ZNF451: variants seen among roughly 807,000 people sequenced by gnomAD.
ZNF451 encodes the protein E3 SUMO-protein ligase ZNF451.
ZNF451 carries 80 observed loss-of-function variants against 107.1 expected under a neutral mutation model. The observed-to-expected ratio is 0.75, with a 90% CI of 0.62 to 0.90. The LOEUF (loss-of-function observed/expected upper bound fraction) is 0.90, where lower values mean the gene tolerates loss of function less well. Ranked by LOEUF, ZNF451 falls within the 40% of genes least tolerant of loss-of-function variation. ZNF451 has a pLI of 0.00. For synonymous variants in ZNF451, 362 were observed against 406.5 expected (o/e 0.89, Z 1.32); for missense variants, 1,107 against 1,236.2 (o/e 0.90, Z 1.57).
At chr6:57,144,905 G>T (rs1295038258) in intron 9 of ZNF451, among the ~76,000 whole-genome samples, 1 of 152,056 alleles carries the variant, frequency 6.6e-6, no homozygotes, top group Admixed American at 6.5e-5. Context: ...CTCCAGCCTG[G>T]GTGACAGAAG....
intron 3 of ZNF451, among the ~76,000 whole-genome samples, chr6:57,119,317 A>G (rs752329370): frequency 6.6e-6 from 1 of 152,172 alleles, no homozygotes; most frequent in Non-Finnish European, 1.5e-5. Flanking sequence ...ACCTTAGGTC[A>G]GGAGTTCGAG....
intron 13 of ZNF451, among the ~76,000 whole-genome samples, chr6:57,156,369 G>A (rs946839418): frequency 7.9e-5 from 12 of 152,088 alleles, no homozygotes; most frequent in African/African-American, 2.7e-4. Flanking sequence ...GTGAATAGTT[G>A]AGTAATAGTT....
chr6:57,096,680 T>G lies in ZNF451; in HGVS notation c.106-2381T>G, dbSNP rs936028613. On this transcript the variant is annotated intron_variant, in intron 2 of 14. Coordinates refer to ENST00000370706, the MANE Select transcript of ZNF451 (RefSeq NM_001031623.3). ...AATGAAGGTTCCTAATGCATATTTC[T>G]TGTAGAGAGCAAAGTAAGATGATTA... Among the ~76,000 whole-genome samples the G allele has an allele frequency of 4.6e-5, 7 of 151,964 alleles. No individual in the cohort carries two copies. The South Asian group carries it at 1.5e-3, about 32-fold the overall frequency.
chr6:57,139,493 G>A (rs1831643553), intron 7 of ZNF451, among the ~76,000 whole-genome samples: 1 of 152,078 alleles, frequency 6.6e-6, no homozygotes, highest in South Asian at 2.1e-4. Context: ...CATCTCATAA[G>A]CACTACACAA....
chr6:57,105,091 G>A, intron 3 of ZNF451: 1 of 985,346 alleles, frequency 1.0e-6, no homozygotes, highest in Non-Finnish European at 1.2e-6. Context: ...TACCCCAATA[G>A]AATCAGAAAC....
chr6:57,144,765 C>A (rs1238233130), intron 9 of ZNF451, among the ~76,000 whole-genome samples: 1 of 151,956 alleles, frequency 6.6e-6, no homozygotes. Flanking sequence ...CCCATCTCTA[C>A]TAAAAATACA....
chr6:57,100,106 C>G (rs1379913106), intron 3 of ZNF451, among the ~76,000 whole-genome samples: 1 of 152,094 alleles, frequency 6.6e-6, no homozygotes, highest in Non-Finnish European at 1.5e-5. Flanking sequence ...TATTCGTGGA[C>G]AGTGAATGAC....
chr6:57,133,676 G>A (rs1038228576), intron 6 of ZNF451, among the ~76,000 whole-genome samples: 1 of 151,888 alleles, frequency 6.6e-6, no homozygotes, highest in Non-Finnish European at 1.5e-5. Context: ...GGTGGTTTTT[G>A]TTTGTTTGTT....
intron 13 of ZNF451, among the ~76,000 whole-genome samples, chr6:57,157,838 T>C (rs1006301781): frequency 6.6e-6 from 1 of 152,190 alleles, no homozygotes; most frequent in African/African-American, 2.4e-5. Flanking sequence ...GATGCAGATA[T>C]AACTTGTCAC....
chr6:57,166,370 C>T (rs1763898249), intron 14 of ZNF451, among the ~76,000 whole-genome samples: 4 of 152,150 alleles, frequency 2.6e-5, no homozygotes, highest in Non-Finnish European at 5.9e-5. Context: ...GTAATCAGTT[C>T]ACCTTAGCTT....
In ZNF451 at chr6:57,090,277, G is replaced by C. The variant is rs1485308154; in HGVS notation, c.21+3G>C. The C allele has an allele frequency of 1.2e-6, 2 of 1,611,016 alleles. No individual in the cohort carries two copies. Among genetic ancestry groups the C allele is most frequent in the Non-Finnish European group, 1.7e-6 (2 of 1,179,410 alleles). ...ACATGGGAGACCCGGGGTCGGAGGT[G>C]AGTAGTCGAGTGAGGGTCCTGGCGT... On this transcript the variant is annotated splice_donor_region_variant and intron_variant, in intron 1 of 14. Coordinates refer to ENST00000370706, the MANE Select transcript of ZNF451 (RefSeq NM_001031623.3).
In ZNF451 at chr6:57,169,117, T is replaced by TA. The variant is rs1488710386; in HGVS notation, c.*648_*649insA. On this transcript the variant is annotated 3_prime_UTR_variant, in exon 15 of 15. Transcript: ENST00000370706. ...CTTAATTTTTAAGAAATAATTTAAA[T>TA]GAAACAATTTCCATTCCTTTTACCT... The TA allele has an allele frequency of 6.6e-6, 1 of 152,212 alleles. No homozygotes were observed. The highest frequency in any genetic ancestry group is 2.4e-5 in the African/African-American group (1 of 41,476). The allele number at this position is 152,212 out of a possible 1,614,324, so 9.4% of individuals were successfully genotyped here. A position where few individuals can be genotyped will look rare whatever the true frequency, so the allele number is the denominator to read the frequency against.
rs1764044441 is a variant in ZNF451, at chr6:57,169,621, G to A, written c.*1152G>A. The stretch of plus-strand genomic sequence containing the variant: ...GACAAAATATAAAGGCTAGAATTTG[G>A]TTCCTTCTCTGTAACACTAAATATT... On this transcript the variant is annotated 3_prime_UTR_variant, in exon 15 of 15. Transcript: ENST00000370706. 2 of 151,928 alleles carry A rather than the reference G, an allele frequency of 1.3e-5. No homozygotes were observed. Among genetic ancestry groups the A allele is most frequent in the Non-Finnish European group, 2.9e-5 (2 of 67,944 alleles). The allele number at this position is 151,928 out of a possible 1,614,324, so 9.4% of individuals were successfully genotyped here. A position where few individuals can be genotyped will look rare whatever the true frequency, so the allele number is the denominator to read the frequency against.
chr6:57,104,290 G>A (rs1224185657), intron 3 of ZNF451: 2 of 985,190 alleles, frequency 2.0e-6, no homozygotes, highest in African/African-American at 3.5e-5. Flanking sequence ...TCTTGATATT[G>A]GCACTGTAGT....
At chr6:57,098,280 A>C (rs937698432) in intron 2 of ZNF451, among the ~76,000 whole-genome samples, 2 of 151,640 alleles carry the variant, frequency 1.3e-5, no homozygotes, top group African/African-American at 4.8e-5. Flanking sequence ...GTGATCCCCC[A>C]CCTTGGCCTC....
chr6:57,134,787 C>T lies in ZNF451; in HGVS notation c.619C>T (p.Pro207Ser), dbSNP rs140750140. Residue 207 changes from proline (P) to serine (S), a missense_variant, in exon 7 of 15, where the codon CCT becomes TCT. Transcript: ENST00000370706. ...TGATCCAACAATTACACTACATGGA[C>T]CTTTCTTCAGCTCCTTTGCTTGTGT... ...PCDPTITLHG[P>S]FFSSFACVVC... 3.1e-5 allele frequency: 50 copies of T among 1,613,176 alleles called. No individual in the cohort carries two copies. The highest frequency in any genetic ancestry group is 4.1e-5 in the Non-Finnish European group (48 of 1,179,624).
chr6:57,151,598 C>T, intron 11 of ZNF451, among the ~76,000 whole-genome samples: 1 of 151,984 alleles, frequency 6.6e-6, no homozygotes. Flanking sequence ...AATTATTTGG[C>T]CTCTCAGCTA....
At position 57,148,014 on chromosome 6, in the gene ZNF451, GC is replaced by G; in HGVS notation, c.1931del (p.Pro644LeufsTer5). ...HRYSCAHCRK[P>X]FHKIETLYRH... ...GATACAGCTGTGCTCACTGCAGAAA[GC>G]CTTTTCATAAGATAGAAACATTGTA... is the stretch of plus-strand genomic sequence containing the variant. On this transcript the variant is annotated frameshift_variant, in exon 10 of 15. Coordinates refer to ENST00000370706, the MANE Select transcript of ZNF451 (RefSeq NM_001031623.3). LOFTEE classifies it high-confidence loss of function. 6.2e-7 allele frequency: 1 copy of G among 1,614,104 alleles called. No homozygotes were observed. Among genetic ancestry groups the G allele is most frequent in the Non-Finnish European group, 8.5e-7 (1 of 1,179,978 alleles).
intron 3 of ZNF451, among the ~76,000 whole-genome samples, chr6:57,119,934 T>C (rs1353664385): frequency 1.3e-5 from 2 of 152,130 alleles, no homozygotes; most frequent in East Asian, 1.9e-4. Context: ...TTGGTTTACA[T>C]TAGGGTTCAT....
Sources: gnomAD v4.1 joint callset for allele counts (sites outside exome capture counted in the v4.1 genomes callset) on GRCh38, gnomAD v4.1.1 for gene constraint, MANE v1.5 for transcripts, NCBI Gene and HGNC (gene_info 2026-07-23, HGNC 2026-07-21) for gene names.